ERP44: variants seen among roughly 807,000 people sequenced by gnomAD.
ERP44 encodes endoplasmic reticulum protein 44.
In ERP44, 25 loss-of-function variants were observed where a neutral mutation model predicts 53.4. The ratio of observed to expected loss-of-function variants is 0.47; its 90% confidence interval spans 0.34 to 0.65. ERP44 has a LOEUF of 0.65. Among genes scored for constraint, ERP44 ranks in the 30% least tolerant of loss-of-function variants. The probability of loss-of-function intolerance (pLI) is 0.01; values close to 1 mark genes in which losing one functional copy is unlikely to be tolerated. For synonymous variants in ERP44, 145 were observed against 161.2 expected, an observed-to-expected ratio of 0.90 and a Z score of 0.76; for missense variants, 338 against 493.2, an observed-to-expected ratio of 0.69 and a Z score of 2.98.
At position 99,980,498 on chromosome 9, in the gene ERP44, T is replaced by TA; in HGVS notation, c.*2113dup. On this transcript the variant is annotated 3_prime_UTR_variant, in exon 12 of 12. Transcript: ENST00000262455. The stretch of plus-strand genomic sequence containing the variant: ...AACATCCATGTTTTAAAAACCTTTT[T>TA]ATCCACGCTGTCCTTTCATCCAAGC... 1 of 154,444 alleles carries TA rather than the reference T, an allele frequency of 6.5e-6. No individual in the cohort carries two copies. The highest frequency in any genetic ancestry group is 1.4e-5 in the Non-Finnish European group (1 of 69,608). The allele number at this position is 154,444 out of a possible 1,614,324, so 9.6% of individuals were successfully genotyped here. A position where few individuals can be genotyped will look rare whatever the true frequency, so the allele number is the denominator to read the frequency against.
chr9:100,093,163 T>A (rs890833270), intron 1 of ERP44, among the ~76,000 whole-genome samples: 6 of 152,118 alleles, frequency 3.9e-5, no homozygotes, highest in African/African-American at 1.5e-4. Context: ...TCTATAATGC[T>A]ATTAAAAATC....
At chr9:99,983,568 A>G (rs1031646961) in intron 11 of ERP44, among the ~76,000 whole-genome samples, 5 of 151,442 alleles carry the variant, frequency 3.3e-5, no homozygotes, top group African/African-American at 4.8e-5. Flanking sequence ...AAAAAAAAAA[A>G]AAAAAAAGAA....
chr9:100,019,124 A>G (rs1273263778), intron 6 of ERP44, among the ~76,000 whole-genome samples: 1 of 152,234 alleles, frequency 6.6e-6, no homozygotes, highest in African/African-American at 2.4e-5. Context: ...TAAGTAAAGA[A>G]TGACAAATTA....
chr9:100,067,295 A>T (rs1826223287), intron 1 of ERP44, among the ~76,000 whole-genome samples: 1 of 152,036 alleles, frequency 6.6e-6, no homozygotes, highest in Admixed American at 6.5e-5. Flanking sequence ...TCCCTGCCTG[A>T]TTCTCCTGCC....
chr9:100,057,719 G>T, intron 3 of ERP44, 101 bp downstream of exon 3: 1 of 828,156 alleles, frequency 1.2e-6, no homozygotes, highest in Non-Finnish European at 2.0e-6. Context: ...ATGGAATACT[G>T]TCTTGAAATA....
rs1201014325 is a variant in ERP44 at position 100,060,092 on chromosome 9, G to A, written c.130+8C>T. The A allele has an allele frequency of 2.1e-6, 3 of 1,443,348 alleles. No homozygotes were observed. Among genetic ancestry groups the A allele is most frequent in the Non-Finnish European group, 2.7e-6 (3 of 1,095,780 alleles). 89.4% of individuals were successfully genotyped at this position (1,443,348 alleles called of 1,614,324 possible). A position where few individuals can be genotyped will look rare whatever the true frequency, so the allele number is the denominator to read the frequency against. Reference sequence around the variant, plus strand: ...AAGAGTACACTTTAAAAATATTGAGGTACTTACTTAAAATTTCATCTATAT... The same window carrying A: ...AAGAGTACACTTTAAAAATATTGAGATACTTACTTAAAATTTCATCTATAT... On this transcript the variant is annotated splice_region_variant and intron_variant, in intron 2 of 11. Transcript: ENST00000262455.
intron 10 of ERP44, chr9:99,999,078 C>G (rs1026300881): frequency 1.4e-5 from 10 of 704,312 alleles, no homozygotes; most frequent in African/African-American, 1.2e-4. Flanking sequence ...CTGCAGGGAG[C>G]GCACGGCCGT....
At chr9:100,093,250 C>A (rs1826581904) in intron 1 of ERP44, among the ~76,000 whole-genome samples, 1 of 152,144 alleles carries the variant, frequency 6.6e-6, no homozygotes, top group South Asian at 2.1e-4. Flanking sequence ...AAATTTTAAC[C>A]TATCAGACAT....
At chr9:100,030,668 G>A (rs1459995272) in intron 4 of ERP44, among the ~76,000 whole-genome samples, 1 of 152,196 alleles carries the variant, frequency 6.6e-6, no homozygotes, top group African/African-American at 2.4e-5. Context: ...ACTCTTCGCT[G>A]ACAGCTGTGG....
chr9:100,088,582 A>AC (rs1412233859), intron 1 of ERP44, among the ~76,000 whole-genome samples: 1 of 152,238 alleles, frequency 6.6e-6, no homozygotes, highest in African/African-American at 2.4e-5. Context: ...ATAATAAGGC[A>AC]TTGTACAACA....
chr9:100,052,272 C>A, intron 4 of ERP44, 145 bp downstream of exon 4: 1 of 415,850 alleles, frequency 2.4e-6, no homozygotes, highest in Non-Finnish European at 4.2e-6. Flanking sequence ...AGAACCTTTT[C>A]GGTTTGTTCT....
chr9:100,082,436 C>T (rs1226227711), intron 1 of ERP44, among the ~76,000 whole-genome samples: 3 of 151,148 alleles, frequency 2.0e-5, no homozygotes, highest in African/African-American at 7.3e-5. Flanking sequence ...ATAAAGTCCA[C>T]TAATAACCCC....
At chr9:99,999,134 T>C (rs1252776221) in intron 10 of ERP44, 13 of 588,940 alleles carry the variant, frequency 2.2e-5, no homozygotes, top group Non-Finnish European at 3.1e-5. Flanking sequence ...AGGCACAGTG[T>C]ACCGCGCTGG....
intron 10 of ERP44, chr9:99,998,381 G>C: frequency 1.6e-6 from 1 of 613,180 alleles, no homozygotes; most frequent in South Asian, 1.9e-5. Context: ...CCACACGCGA[G>C]CTCCCGGATC....
intron 1 of ERP44, among the ~76,000 whole-genome samples, chr9:100,094,356 G>A (rs570413742): frequency 2.6e-5 from 4 of 151,876 alleles, no homozygotes; most frequent in Non-Finnish European, 5.9e-5. Flanking sequence ...AATTGAAAAA[G>A]TTTTTAAAAA....
At chr9:99,988,120 G>T (rs1830214553) in intron 10 of ERP44, among the ~76,000 whole-genome samples, 2 of 152,148 alleles carry the variant, frequency 1.3e-5, no homozygotes, top group South Asian at 4.1e-4. Flanking sequence ...ACATCCTCAT[G>T]AATACCTTGT....
At chr9:100,010,256 A>G (rs1014024783) in intron 8 of ERP44, among the ~76,000 whole-genome samples, 4 of 152,260 alleles carry the variant, frequency 2.6e-5, no homozygotes, top group Non-Finnish European at 4.4e-5. Flanking sequence ...AAGGAGAAGA[A>G]TATCAAGACA....
chr9:99,980,116 CAAAATA>C lies in ERP44; in HGVS notation c.*2490_*2495del, dbSNP rs1458388724. ...AACACCTATTCATCTTTTTAAAGCT[CAAAATA>C]AAAATAATGTCCTCAAATCTCTGCA... On this transcript the variant is annotated 3_prime_UTR_variant, in exon 12 of 12. Coordinates refer to ENST00000262455, the MANE Select transcript of ERP44 (RefSeq NM_015051.3). 1.3e-5 allele frequency: 5 copies of C among 398,284 alleles called. No homozygotes were observed. In the East Asian group the frequency reaches 1.4e-4, roughly 11 times the overall value. The allele number at this position is 398,284 out of a possible 1,614,324, so 24.7% of individuals were successfully genotyped here.
intron 1 of ERP44, among the ~76,000 whole-genome samples, chr9:100,089,830 A>G (rs1826530458): frequency 6.6e-6 from 1 of 152,174 alleles, no homozygotes; most frequent in African/African-American, 2.4e-5. Context: ...ATGTATGTAT[A>G]AGAAAAAACA....
Sources: gnomAD v4.1 joint callset for allele counts (sites outside exome capture counted in the v4.1 genomes callset) on GRCh38, gnomAD v4.1.1 for gene constraint, MANE v1.5 for transcripts, NCBI Gene and HGNC (gene_info 2026-07-23, HGNC 2026-07-21) for gene names.